Variants in EYA3 observed in about 807,000 individuals in gnomAD.
The protein encoded by EYA3 is EYA transcriptional coactivator and phosphatase 3.
EYA3 carries 39 observed loss-of-function variants against 80.0 expected under a neutral mutation model. That is an observed-to-expected ratio of 0.49 (90% CI 0.38 to 0.64). EYA3 has a LOEUF of 0.64. Ranked by LOEUF, EYA3 falls within the 30% of genes least tolerant of loss-of-function variation. The pLI is 0.00. For synonymous variants in EYA3, 206 were observed against 232.8 expected, an observed-to-expected ratio of 0.88 and a Z score of 1.05; for missense variants, 523 against 676.1, an observed-to-expected ratio of 0.77 and a Z score of 2.51.
chr1:28,038,123 TA>T (rs1361397808), intron 5 of EYA3, among the ~76,000 whole-genome samples: 1 of 152,154 alleles, frequency 6.6e-6, no homozygotes, highest in Non-Finnish European at 1.5e-5. Context: ...AGCCCGGTTC[TA>T]CTCTGAGGAC....
At chr1:28,001,652 T>C (rs867064301) in intron 11 of EYA3, among the ~76,000 whole-genome samples, 1 of 143,026 alleles carries the variant, frequency 7.0e-6, no homozygotes, top group Non-Finnish European at 1.5e-5. Context: ...GGCAGGAGAA[T>C]AGCGTGAACC....
chr1:28,066,468 G>T (rs115607380), intron 1 of EYA3, among the ~76,000 whole-genome samples: 6,055 of 151,598 alleles, frequency 0.04, 137 homozygotes, highest in Middle Eastern at 0.056. Context: ...GAAATAAATG[G>T]AGAAAAAATC....
chr1:27,982,866 A>T (rs1297167995), intron 16 of EYA3, among the ~76,000 whole-genome samples: 1 of 152,152 alleles, frequency 6.6e-6, no homozygotes, highest in East Asian at 1.9e-4. Context: ...CGCTTGGCCT[A>T]TTGTTTTTAA....
chr1:28,050,199 A>ATTT (rs1279391017), intron 2 of EYA3, among the ~76,000 whole-genome samples: 19 of 135,548 alleles, frequency 1.4e-4, no homozygotes, highest in African/African-American at 5.0e-4. Flanking sequence ...TATTATTATT[A>ATTT]TTATTTTTTT....
intron 1 of EYA3, among the ~76,000 whole-genome samples, chr1:28,079,702 T>C (rs938811449): frequency 9.9e-5 from 15 of 152,154 alleles, no homozygotes; most frequent in Admixed American, 6.5e-5. Flanking sequence ...GACCTCCCTC[T>C]CTCAATGATT....
intron 2 of EYA3, among the ~76,000 whole-genome samples, chr1:28,053,594 T>C (rs1420149743): frequency 6.6e-6 from 1 of 152,170 alleles, no homozygotes; most frequent in Non-Finnish European, 1.5e-5. Context: ...AACTACCTAC[T>C]TCATAGGGCT....
chr1:28,007,153 G>A (rs891513397), intron 10 of EYA3, among the ~76,000 whole-genome samples: 2 of 151,498 alleles, frequency 1.3e-5, no homozygotes, highest in Non-Finnish European at 2.9e-5. Flanking sequence ...GTTTTGCCAC[G>A]TTGACCAGGC....
rs1638764743 is a variant in EYA3 at position 27,972,352 on chromosome 1, C to T, written c.*2114G>A. 6.6e-6 allele frequency: 1 copy of T among 152,260 alleles called. No individual in the cohort carries two copies. Among genetic ancestry groups the T allele is most frequent in the African/African-American group, 2.4e-5 (1 of 41,458 alleles). The allele number at this position is 152,260 out of a possible 1,614,324, so 9.4% of individuals were successfully genotyped here. A position where few individuals can be genotyped will look rare whatever the true frequency, so the allele number is the denominator to read the frequency against. ...ACCTCACACTACATCTCCCTCCTCC[C>T]AACCCCACAGGAAACAAGGCCAAAG... On this transcript the variant is annotated 3_prime_UTR_variant, in exon 18 of 18. Transcript: ENST00000373871.
intron 11 of EYA3, among the ~76,000 whole-genome samples, chr1:28,003,774 G>A (rs943923993): frequency 1.3e-5 from 2 of 152,174 alleles, no homozygotes; most frequent in Non-Finnish European, 2.9e-5. Flanking sequence ...AGGTAATTTA[G>A]AATAGAAATA....
At position 28,010,949 on chromosome 1, in the gene EYA3, C is replaced by G; in HGVS notation, c.907G>C (p.Glu303Gln). 1 of 1,612,036 alleles carries G rather than the reference C, an allele frequency of 6.2e-7. No individual in the cohort carries two copies. The highest frequency in any genetic ancestry group is 1.3e-5 in the African/African-American group (1 of 74,950). The change falls in exon 10 of 18, where the codon GAA becomes CAA. Residue 303 changes from glutamate to glutamine, a missense_variant and splice_region_variant. Transcript: ENST00000373871. ...DATSSQDSEL[E>Q]RVFLWDLDET... is the part of the protein sequence containing the mutation. ...ACTAAATCAGTTTCTTCTCATACTT[C>G]TAATTCACTGTCTTGGGAAGAAGTG...
At chr1:28,073,625 G>A (rs1290662118) in intron 1 of EYA3, among the ~76,000 whole-genome samples, 3 of 151,874 alleles carry the variant, frequency 2.0e-5, no homozygotes, top group Non-Finnish European at 4.4e-5. Flanking sequence ...TAGTAGAAAT[G>A]GGGTTTTACC....
intron 13 of EYA3, among the ~76,000 whole-genome samples, chr1:27,996,084 G>A (rs944968500): frequency 1.3e-5 from 2 of 152,142 alleles, no homozygotes; most frequent in Non-Finnish European, 2.9e-5. Context: ...TGTTAGCCAG[G>A]CTAGTCTCGA....
intron 1 of EYA3, among the ~76,000 whole-genome samples, chr1:28,075,939 C>A (rs1219133412): frequency 2.0e-5 from 3 of 152,198 alleles, no homozygotes; most frequent in Non-Finnish European, 2.9e-5. Flanking sequence ...ACTAACATAT[C>A]CACTCAGAAT....
chr1:27,990,910 C>G (rs750541910), intron 14 of EYA3, among the ~76,000 whole-genome samples: 9 of 151,608 alleles, frequency 5.9e-5, no homozygotes, highest in Non-Finnish European at 1.2e-4. Context: ...ACCCAGAATG[C>G]CATTTTTACT....
chr1:28,036,111 G>A (rs182319686), intron 5 of EYA3, among the ~76,000 whole-genome samples: 421 of 152,210 alleles, frequency 2.8e-3, no homozygotes, highest in Non-Finnish European at 4.4e-3. Flanking sequence ...CACTGCGCCC[G>A]GCCTAAAATG....
At chr1:28,027,078 A>C (rs1346925136) in intron 7 of EYA3, among the ~76,000 whole-genome samples, 1 of 152,200 alleles carries the variant, frequency 6.6e-6, no homozygotes, top group Non-Finnish European at 1.5e-5. Context: ...AAATATCAGG[A>C]GAAAAGAGGC....
chr1:27,994,587 T>A (rs1429086093), intron 13 of EYA3, among the ~76,000 whole-genome samples: 1 of 151,930 alleles, frequency 6.6e-6, no homozygotes, highest in Non-Finnish European at 1.5e-5. Context: ...CTCGGGAGAC[T>A]GAGGAAGGAG....
At chr1:28,063,906 T>C (rs1571931856) in intron 1 of EYA3, among the ~76,000 whole-genome samples, 1 of 152,156 alleles carries the variant, frequency 6.6e-6, no homozygotes, top group Non-Finnish European at 1.5e-5. Flanking sequence ...ATAGTTGGTG[T>C]CCAACTTTGG....
chr1:28,014,417 CAAA>C (rs1173842687), intron 8 of EYA3, among the ~76,000 whole-genome samples: 766 of 49,214 alleles, frequency 0.016, 3 homozygotes, highest in Non-Finnish European at 0.02. Flanking sequence ...CACACTGTCT[CAAA>C]AAAAAAAAAA....
Sources: gnomAD v4.1 joint callset for allele counts (sites outside exome capture counted in the v4.1 genomes callset) on GRCh38, gnomAD v4.1.1 for gene constraint, MANE v1.5 for transcripts, NCBI Gene and HGNC (gene_info 2026-07-23, HGNC 2026-07-21) for gene names.